TAF3: variants seen among roughly 807,000 people sequenced by gnomAD.
TAF3 encodes TATA-box binding protein associated factor 3.
A neutral mutation model predicts 80.6 loss-of-function variants in TAF3; 7 were observed. The observed-to-expected ratio is 0.09, with a 90% confidence interval of 0.05 to 0.16. The LOEUF is 0.16. Among genes scored for constraint, TAF3 ranks in the 10% least tolerant of loss-of-function variants. The pLI, the probability that TAF3 is intolerant of heterozygous loss-of-function variation, is 1.00. For missense variants in TAF3, 921 were observed against 1,140.2 expected (o/e 0.81, Z 2.77); for synonymous variants, 444 against 446.1 (o/e 1.00, Z 0.06).
intron 2 of TAF3, among the ~76,000 whole-genome samples, chr10:7,892,839 C>T (rs1372618281): frequency 4.7e-4 from 64 of 136,908 alleles, no homozygotes; most frequent in African/African-American, 1.4e-3. Flanking sequence ...TTTTTTGAGA[C>T]GGAGTTTCTC....
chr10:7,925,806 A>G (rs1406269641), intron 2 of TAF3, among the ~76,000 whole-genome samples: 1 of 143,776 alleles, frequency 7.0e-6, no homozygotes, highest in Non-Finnish European at 1.5e-5. Flanking sequence ...CTCAAAAAAA[A>G]AAAAAAGAAA....
intron 2 of TAF3, among the ~76,000 whole-genome samples, chr10:7,909,079 C>CCT (rs1329132764): frequency 1.3e-5 from 2 of 152,252 alleles, no homozygotes; most frequent in Non-Finnish European, 2.9e-5. Context: ...GGGCCTGTCA[C>CCT]CTCTCCCGTG....
chr10:7,902,963 A>G (rs1034502518), intron 2 of TAF3, among the ~76,000 whole-genome samples: 1 of 151,928 alleles, frequency 6.6e-6, no homozygotes, highest in South Asian at 2.1e-4. Flanking sequence ...GTGCTCACCT[A>G]TGGTCCCAGC....
intron 2 of TAF3, among the ~76,000 whole-genome samples, chr10:7,884,408 TGGAG>T (rs1564356006): frequency 7.8e-4 from 115 of 147,490 alleles, no homozygotes; most frequent in Middle Eastern, 3.5e-3. Context: ...TTTTTTGAGA[TGGAG>T]TTTTGCTTTT....
chr10:7,937,323 A>G (rs1837930953), intron 2 of TAF3, among the ~76,000 whole-genome samples: 1 of 151,976 alleles, frequency 6.6e-6, no homozygotes, highest in South Asian at 2.1e-4. Flanking sequence ...AGTTCCTGTC[A>G]CTCTGCATTC....
At chr10:7,949,550 C>G (rs921960097) in intron 2 of TAF3, among the ~76,000 whole-genome samples, 4 of 152,180 alleles carry the variant, frequency 2.6e-5, no homozygotes, top group Non-Finnish European at 5.9e-5. Context: ...TTTCATGTTG[C>G]TTTAATAACT....
At chr10:7,922,238 T>C (rs554567204) in intron 2 of TAF3, among the ~76,000 whole-genome samples, 2 of 152,224 alleles carry the variant, frequency 1.3e-5, no homozygotes, top group East Asian at 3.9e-4. Flanking sequence ...AAACTATCAC[T>C]GCACTAATGT....
intron 2 of TAF3, among the ~76,000 whole-genome samples, chr10:7,845,959 G>GTTTTTTTTTTTTT (rs34163537): frequency 1.5e-5 from 2 of 130,938 alleles, no homozygotes; most frequent in African/African-American, 5.7e-5. Context: ...GTGTGTTTTT[G>GTTTTTTTTTTTTT]TTTTTTTTTT....
At chr10:7,912,207 G>A (rs113455164) in intron 2 of TAF3, among the ~76,000 whole-genome samples, 1,663 of 152,262 alleles carry the variant, frequency 0.011, 20 homozygotes, top group Middle Eastern at 0.031. Flanking sequence ...AGCCGTCTGT[G>A]TTAACTAAAC....
intron 4 of TAF3, among the ~76,000 whole-genome samples, chr10:8,008,730 C>T (rs907609679): frequency 6.6e-6 from 1 of 152,170 alleles, no homozygotes; most frequent in Non-Finnish European, 1.5e-5. Flanking sequence ...CCCGAGGACT[C>T]AGCAGAGGTG....
intron 4 of TAF3, 94 bp downstream of exon 4, chr10:7,977,417 A>C: frequency 8.2e-7 from 1 of 1,226,568 alleles, no homozygotes; most frequent in Non-Finnish European, 1.2e-6. Flanking sequence ...AGCTTCTCCC[A>C]GGTATGAACC....
At chr10:7,891,567 C>G (rs1374818415) in intron 2 of TAF3, among the ~76,000 whole-genome samples, 1 of 152,114 alleles carries the variant, frequency 6.6e-6, no homozygotes, top group Non-Finnish European at 1.5e-5. Context: ...ATACCAGTAA[C>G]CTTTTAAAAA....
intron 2 of TAF3, among the ~76,000 whole-genome samples, chr10:7,910,104 A>G (rs1288894186): frequency 6.6e-6 from 1 of 152,098 alleles, no homozygotes; most frequent in African/African-American, 2.4e-5. Flanking sequence ...CCCCTCAAAT[A>G]TTTTGTATTT....
chr10:7,936,945 G>A (rs759829971), intron 2 of TAF3, among the ~76,000 whole-genome samples: 3 of 151,958 alleles, frequency 2.0e-5, no homozygotes, highest in Non-Finnish European at 2.9e-5. Flanking sequence ...ACAGTATGTG[G>A]CCTTCTCAGT....
chr10:7,895,510 G>A lies in TAF3; in HGVS notation c.410-68410G>A, dbSNP rs115184558. On this transcript the variant is annotated intron_variant, in intron 2 of 6. Transcript: ENST00000344293. ...CTTACTGACATCATGGTCCTGGCAC[G>A]AACACCTTGGCCTGCCACATCTATG... Among the ~76,000 whole-genome samples, 454 of 152,218 alleles carry A rather than the reference G, an allele frequency of 3.0e-3. 5 individuals are homozygous for A. The highest frequency in any genetic ancestry group is 0.01 in the African/African-American group (424 of 41,508).
chr10:7,846,774 A>AG (rs1836977121), intron 2 of TAF3, among the ~76,000 whole-genome samples: 1 of 152,212 alleles, frequency 6.6e-6, no homozygotes, highest in Admixed American at 6.5e-5. Context: ...TTATCGTTGT[A>AG]GGAATTATTA....
At chr10:7,977,801 A>G (rs1831688558) in intron 4 of TAF3, among the ~76,000 whole-genome samples, 1 of 152,250 alleles carries the variant, frequency 6.6e-6, no homozygotes, top group South Asian at 2.1e-4. Flanking sequence ...GAGAGACAGT[A>G]TGTAATAGTC....
rs767298270 is a variant in TAF3, at chr10:8,012,229, G to A, written c.2569-1502G>A. Among the ~76,000 whole-genome samples, 18 of 152,236 alleles carry A rather than the reference G, an allele frequency of 1.2e-4. 1 individual carries two copies. The highest frequency in any genetic ancestry group is 3.4e-3 in the Middle Eastern group (1 of 294). ...AGCTTTCTACCTCATGAAGAGAGACGCTTTGTGGTTAGAGGACAAAATTTA... is the reference window on the plus strand; with the variant it reads ...AGCTTTCTACCTCATGAAGAGAGACACTTTGTGGTTAGAGGACAAAATTTA... On this transcript the variant is annotated intron_variant, in intron 5 of 6. Coordinates refer to ENST00000344293, the MANE Select transcript of TAF3 (RefSeq NM_031923.4).
In TAF3 at chr10:7,964,389, A is replaced by T; in HGVS notation, c.879A>T (p.Ala293=). The stretch of plus-strand genomic sequence containing the variant: ...CACCTAAAACCGCCCAGTCACCAGC[A>T]ATGGTCGGAAGTCCTATTCGATCAC... ...TKSPKTAQSP[A]MVGSPIRSPK... Residue 293 remains alanine, a synonymous_variant, in exon 3 of 7, where the codon GCA becomes GCT. Transcript: ENST00000344293. This position sits in a 1 kb window ranked among gnomAD's most constrained non-coding sequence, Gnocchi z 4.1. 3 of 1,614,150 alleles carry T rather than the reference A, an allele frequency of 1.9e-6. No homozygotes were observed. The highest frequency in any genetic ancestry group is 2.5e-6 in the Non-Finnish European group (3 of 1,180,038).
Sources: gnomAD v4.1 joint callset for allele counts (sites outside exome capture counted in the v4.1 genomes callset) on GRCh38, gnomAD v4.1.1 for gene constraint, Gnocchi (gnomAD v3.1) non-coding constraint, MANE v1.5 for transcripts, NCBI Gene and HGNC (gene_info 2026-07-23, HGNC 2026-07-21) for gene names.